The following BCKDHB variants were observed in gnomAD, a reference collection of about 807,000 sequenced individuals.
BCKDHB encodes branched chain keto acid dehydrogenase E1 subunit beta.
BCKDHB carries 41 observed loss-of-function variants against 48.5 expected under a neutral mutation model. The observed-to-expected ratio is 0.85, with a 90% CI of 0.66 to 1.10. The LOEUF (loss-of-function observed/expected upper bound fraction) is 1.10. Ranked by LOEUF, BCKDHB falls within the 50% of genes least tolerant of loss-of-function variation. The pLI is 0.00. For missense variants in BCKDHB, 496 were observed against 494.2 expected (o/e 1.00, Z -0.03); for synonymous variants, 201 against 174.8 (o/e 1.15, Z -1.18).
chr6:80,230,316 G>A (rs1313886962), intron 8 of BCKDHB, among the ~76,000 whole-genome samples: 2 of 151,924 alleles, frequency 1.3e-5, no homozygotes, highest in South Asian at 2.1e-4. Context: ...GGGATTACAG[G>A]CGTGAGCCAC....
At chr6:80,392,778 T>C in the BCKDHB span, among the ~76,000 whole-genome samples, 1 of 151,468 alleles carries the variant, frequency 6.6e-6, no homozygotes, top group Non-Finnish European at 1.5e-5. Context: ...TGACAGCCTA[T>C]AACAAAGAAT....
chr6:80,248,317 C>T (rs939759673), intron 8 of BCKDHB, among the ~76,000 whole-genome samples: 1 of 152,144 alleles, frequency 6.6e-6, no homozygotes, highest in Non-Finnish European at 1.5e-5. Flanking sequence ...GTTTTCTGAA[C>T]ATGGGATATA....
the BCKDHB span, among the ~76,000 whole-genome samples, chr6:80,377,741 T>TAA: frequency 6.6e-6 from 1 of 152,258 alleles, no homozygotes; most frequent in Admixed American, 6.5e-5. Context: ...TGTTTTGCAG[T>TAA]AAATTTTGAA....
chr6:80,226,176 G>C (rs1174928126), intron 8 of BCKDHB, among the ~76,000 whole-genome samples: 1 of 152,210 alleles, frequency 6.6e-6, no homozygotes, highest in Non-Finnish European at 1.5e-5. Context: ...ACATTTCACT[G>C]CATTGTGTAG....
chr6:80,255,280 C>T (rs539314231), intron 8 of BCKDHB, among the ~76,000 whole-genome samples: 3 of 152,114 alleles, frequency 2.0e-5, no homozygotes, highest in Non-Finnish European at 4.4e-5. Context: ...CTGTAATATA[C>T]AGATTGCTGT....
In BCKDHB at chr6:80,226,448, G is replaced by A. The variant is rs189108240; in HGVS notation, c.951+23236G>A. Among the ~76,000 whole-genome samples the A allele has an allele frequency of 3.8e-4, 58 of 152,312 alleles. 1 individual carries two copies. Among genetic ancestry groups the A allele is most frequent in the African/African-American group, 1.3e-3 (55 of 41,568 alleles). On this transcript the variant is annotated intron_variant, in intron 8 of 9. Coordinates refer to ENST00000320393, the MANE Select transcript of BCKDHB (RefSeq NM_183050.4). ...TTGTCTTGTTGGACTGAAGCCTCTA[G>A]CCATCTTATCAAGCCAGAGCTACAA...
At chr6:80,150,509 A>AGTAGGAACC (rs1176000034) in intron 3 of BCKDHB, among the ~76,000 whole-genome samples, 2 of 151,132 alleles carry the variant, frequency 1.3e-5, no homozygotes, top group Non-Finnish European at 2.9e-5. Context: ...TATGAGTGAC[A>AGTAGGAACC]GTAGGAACCT....
chr6:80,274,967 A>G (rs1170824886), intron 9 of BCKDHB, among the ~76,000 whole-genome samples: 1 of 152,014 alleles, frequency 6.6e-6, no homozygotes, highest in East Asian at 1.9e-4. Context: ...AACTAACATA[A>G]AATATCATAA....
the BCKDHB span, among the ~76,000 whole-genome samples, chr6:80,389,732 C>T: frequency 2.0e-5 from 3 of 152,142 alleles, no homozygotes; most frequent in South Asian, 4.1e-4. Flanking sequence ...CTTTTGAAGT[C>T]ACAGTTACAA....
intron 8 of BCKDHB, among the ~76,000 whole-genome samples, chr6:80,244,009 G>A (rs1296656708): frequency 1.3e-5 from 2 of 152,176 alleles, no homozygotes; most frequent in African/African-American, 2.4e-5. Flanking sequence ...GAAGCCACAA[G>A]CTCTCAAAGT....
chr6:80,412,092 G>A, the BCKDHB span, among the ~76,000 whole-genome samples: 1 of 151,692 alleles, frequency 6.6e-6, no homozygotes, highest in Non-Finnish European at 1.5e-5. Flanking sequence ...CATCTTGGAA[G>A]CAACAATCAA....
intron 6 of BCKDHB, among the ~76,000 whole-genome samples, chr6:80,196,260 T>C (rs995217938): frequency 6.6e-6 from 1 of 152,182 alleles, no homozygotes; most frequent in African/African-American, 2.4e-5. Context: ...TCTGATTTTG[T>C]AGATGTATAC....
the BCKDHB span, among the ~76,000 whole-genome samples, chr6:80,357,328 A>G: frequency 1.3e-5 from 2 of 152,166 alleles, no homozygotes; most frequent in African/African-American, 2.4e-5. Flanking sequence ...AGATGCAGCC[A>G]TAAAGGAAAA....
At chr6:80,243,816 A>G (rs1158842659) in intron 8 of BCKDHB, among the ~76,000 whole-genome samples, 1 of 152,214 alleles carries the variant, frequency 6.6e-6, no homozygotes, top group Non-Finnish European at 1.5e-5. Context: ...GATTATAGAT[A>G]TGAGCCACTG....
chr6:80,162,113 G>A (rs192128498), intron 3 of BCKDHB, among the ~76,000 whole-genome samples: 3 of 152,190 alleles, frequency 2.0e-5, no homozygotes, highest in East Asian at 3.9e-4. Context: ...GGGAAGTTCC[G>A]GGGCACTCAT....
the BCKDHB span, among the ~76,000 whole-genome samples, chr6:80,413,452 C>A: frequency 6.6e-6 from 1 of 152,158 alleles, no homozygotes; most frequent in South Asian, 2.1e-4. Context: ...CCTTTTCCCA[C>A]CCTCCACTCT....
chr6:80,147,838 G>T (rs1198836794), intron 3 of BCKDHB, among the ~76,000 whole-genome samples: 1 of 152,106 alleles, frequency 6.6e-6, no homozygotes, highest in Admixed American at 6.6e-5. Flanking sequence ...AGTCTAAATT[G>T]TGGTAGTGGA....
intron 8 of BCKDHB, among the ~76,000 whole-genome samples, chr6:80,253,805 C>A (rs1030076419): frequency 4.0e-5 from 6 of 151,802 alleles, no homozygotes; most frequent in African/African-American, 1.5e-4. Context: ...GATTTTTTAA[C>A]CATAACTTGT....
intron 8 of BCKDHB, among the ~76,000 whole-genome samples, chr6:80,267,348 C>G (rs183087902): frequency 6.6e-6 from 1 of 152,060 alleles, no homozygotes; most frequent in African/African-American, 2.4e-5. Context: ...TTTGCATTGT[C>G]AGCTCCCTGA....
Sources: gnomAD v4.1 joint callset for allele counts (sites outside exome capture counted in the v4.1 genomes callset) on GRCh38, gnomAD v4.1.1 for gene constraint, MANE v1.5 for transcripts, NCBI Gene and HGNC (gene_info 2026-07-23, HGNC 2026-07-21) for gene names.